The following CLSTN2 variants were observed in gnomAD, a reference collection of about 807,000 sequenced individuals.
The protein encoded by CLSTN2 is calsyntenin-2.
CLSTN2 carries 48 observed loss-of-function variants against 101.2 expected under a neutral mutation model. That is an observed-to-expected ratio of 0.47 (90% CI 0.38 to 0.60). The LOEUF (loss-of-function observed/expected upper bound fraction) is 0.60. CLSTN2 is among the 20% of genes least tolerant of loss of function. The pLI is 0.00. For missense variants in CLSTN2, 1,160 were observed against 1,238.2 expected, an observed-to-expected ratio of 0.94 and a Z score of 0.95; for synonymous variants, 481 against 463.6, an observed-to-expected ratio of 1.04 and a Z score of -0.48.
intron 6 of CLSTN2, among the ~76,000 whole-genome samples, chr3:140,453,980 G>C (rs1423381459): frequency 1.3e-5 from 2 of 152,200 alleles, no homozygotes; most frequent in Non-Finnish European, 2.9e-5. Context: ...CTGCTAAAGA[G>C]CTGGAGCTTC....
At chr3:139,960,037 C>T (rs980943313) in intron 1 of CLSTN2, among the ~76,000 whole-genome samples, 1 of 152,162 alleles carries the variant, frequency 6.6e-6, no homozygotes, top group African/African-American at 2.4e-5. Flanking sequence ...TCTACTTTAC[C>T]TCCCAAATCC....
intron 2 of CLSTN2, among the ~76,000 whole-genome samples, chr3:140,341,287 C>T (rs2087489475): frequency 6.6e-6 from 1 of 152,200 alleles, no homozygotes; most frequent in African/African-American, 2.4e-5. Flanking sequence ...TGGTTTTCAA[C>T]ACTATTGCAC....
rs138696480 is a variant in CLSTN2 at position 140,134,432 on chromosome 3, C to G, written c.110-41519C>G. Among the ~76,000 whole-genome samples the G allele has an allele frequency of 2.6e-3, 398 of 152,240 alleles. 1 individual carries two copies. The highest frequency in any genetic ancestry group is 3.5e-3 in the Non-Finnish European group (236 of 68,014). On this transcript the variant is annotated intron_variant, in intron 1 of 16. Transcript: ENST00000458420. ...CACATTAGGACTAATCTCCAACCCC[C>G]ACCCCACCCATCTGGCCTCCTGGGA...
chr3:140,119,175 G>A (rs888809077), intron 1 of CLSTN2, among the ~76,000 whole-genome samples: 3 of 152,158 alleles, frequency 2.0e-5, no homozygotes, highest in South Asian at 2.1e-4. Flanking sequence ...GTCAACTGCC[G>A]GCTTCTCCAA....
At chr3:139,961,999 T>C (rs1050073464) in intron 1 of CLSTN2, among the ~76,000 whole-genome samples, 10 of 152,130 alleles carry the variant, frequency 6.6e-5, no homozygotes, top group African/African-American at 2.4e-4. Flanking sequence ...GGCTACATAA[T>C]ATTTCAATAT....
At position 140,154,448 on chromosome 3, in the gene CLSTN2, G is replaced by A. The variant is rs778895288; in HGVS notation, c.110-21503G>A. 2.8e-4 allele frequency among the ~76,000 whole-genome samples: 43 copies of A among 151,994 alleles called. 1 individual carries two copies. Among genetic ancestry groups the A allele is most frequent in the Non-Finnish European group, 3.1e-4 (21 of 68,010 alleles). ...TTTGGACTTTATTCTAAGTGTGGTG[G>A]GCAGCTGGATTAGTCCATTTTCACA... On this transcript the variant is annotated intron_variant, in intron 1 of 16. Transcript: ENST00000458420.
At chr3:139,976,045 C>T (rs977745847) in intron 1 of CLSTN2, among the ~76,000 whole-genome samples, 1 of 152,354 alleles carries the variant, frequency 6.6e-6, no homozygotes, top group Admixed American at 6.5e-5. Context: ...TACAACTAAT[C>T]AAGCTACCAT....
At chr3:140,310,421 A>ACTG (rs2087156410) in intron 2 of CLSTN2, among the ~76,000 whole-genome samples, 1 of 151,938 alleles carries the variant, frequency 6.6e-6, no homozygotes, top group Non-Finnish European at 1.5e-5. Flanking sequence ...GGTGCTTTTA[A>ACTG]CTGCTGCTCC....
At chr3:140,543,756 T>A (rs1353689720) in intron 9 of CLSTN2, among the ~76,000 whole-genome samples, 1 of 152,204 alleles carries the variant, frequency 6.6e-6, no homozygotes. Flanking sequence ...CCAGAAACTT[T>A]CAGAAGAGAA....
intron 2 of CLSTN2, among the ~76,000 whole-genome samples, chr3:140,308,229 G>C (rs1299671099): frequency 1.3e-5 from 2 of 152,208 alleles, no homozygotes; most frequent in African/African-American, 4.8e-5. Context: ...TGGAATCAGA[G>C]AAAGAGTACA....
At chr3:140,067,873 A>G (rs1195130741) in intron 1 of CLSTN2, among the ~76,000 whole-genome samples, 1 of 152,230 alleles carries the variant, frequency 6.6e-6, no homozygotes, top group Non-Finnish European at 1.5e-5. Context: ...AAAAAAAAGT[A>G]GTAATGTGCA....
intron 1 of CLSTN2, among the ~76,000 whole-genome samples, chr3:139,962,706 C>A (rs1437403927): frequency 6.6e-6 from 1 of 152,096 alleles, no homozygotes; most frequent in Non-Finnish European, 1.5e-5. Context: ...TTTTGAGATT[C>A]ATCTGTTGTT....
At chr3:140,332,227 G>A (rs1055018783) in intron 2 of CLSTN2, among the ~76,000 whole-genome samples, 3 of 152,168 alleles carry the variant, frequency 2.0e-5, no homozygotes, top group Non-Finnish European at 4.4e-5. Context: ...CAAACCAAGA[G>A]AGAACAGCAG....
chr3:140,053,069 C>G (rs1484948659), intron 1 of CLSTN2, among the ~76,000 whole-genome samples: 1 of 152,082 alleles, frequency 6.6e-6, no homozygotes, highest in African/African-American at 2.4e-5. Context: ...GTCAGGCCTC[C>G]CATGCATCCC....
intron 5 of CLSTN2, among the ~76,000 whole-genome samples, chr3:140,428,906 T>C (rs565675896): frequency 2.3e-4 from 35 of 152,240 alleles, no homozygotes; most frequent in African/African-American, 7.9e-4. Flanking sequence ...AACTCAAACA[T>C]GCACATCAGT....
intron 1 of CLSTN2, among the ~76,000 whole-genome samples, chr3:140,037,251 C>CCTA (rs1346103246): frequency 1.3e-5 from 2 of 152,192 alleles, no homozygotes; most frequent in Non-Finnish European, 2.9e-5. Context: ...AGACCCAACA[C>CCTA]CTACCACAGA....
At chr3:140,397,562 A>G (rs987459756) in intron 2 of CLSTN2, among the ~76,000 whole-genome samples, 1 of 152,186 alleles carries the variant, frequency 6.6e-6, no homozygotes, top group African/African-American at 2.4e-5. Context: ...CAAGGCACTG[A>G]CACCTTCAGT....
intron 2 of CLSTN2, among the ~76,000 whole-genome samples, chr3:140,295,832 AG>A (rs1170410116): frequency 8.5e-5 from 13 of 152,162 alleles, no homozygotes; most frequent in African/African-American, 3.1e-4. Flanking sequence ...CTATTTCTTA[AG>A]GTGAGTGGAG....
chr3:140,117,359 A>G (rs559744573), intron 1 of CLSTN2, among the ~76,000 whole-genome samples: 12 of 152,276 alleles, frequency 7.9e-5, no homozygotes, highest in African/African-American at 2.9e-4. Flanking sequence ...GATAGCCCTT[A>G]GTTCTGCATG....
Sources: allele counts gnomAD v4.1 joint callset (sites outside exome capture counted in the v4.1 genomes callset), GRCh38; gene constraint gnomAD v4.1.1; transcripts MANE v1.5; gene names NCBI Gene and HGNC (gene_info 2026-07-23, HGNC 2026-07-21).